The following MYCBP2 variants were observed in gnomAD, a reference collection of about 807,000 sequenced individuals.
MYCBP2 encodes MYC binding protein 2.
A neutral mutation model predicts 525.3 loss-of-function variants in MYCBP2; 120 were observed. That is an observed-to-expected ratio of 0.23 (90% CI 0.20 to 0.27). The LOEUF (loss-of-function observed/expected upper bound fraction) is 0.27, where lower values mean the gene tolerates loss of function less well. MYCBP2 is among the 10% of genes least tolerant of loss of function. The pLI, the probability that MYCBP2 is intolerant of heterozygous loss-of-function variation, is 1.00. For synonymous variants in MYCBP2, 1,894 were observed against 1,955.8 expected (o/e 0.97, Z 0.83); for missense variants, 4,149 against 5,657.1 (o/e 0.73, Z 8.55).
At chr13:77,176,345 C>T (rs576878976) in intron 36 of MYCBP2, 152 bp downstream of exon 36, 22 of 500,040 alleles carry the variant, frequency 4.4e-5, no homozygotes, top group South Asian at 1.7e-4. Flanking sequence ...ACATTAGGTA[C>T]GTAGTAGGTA....
chr13:77,186,828 TAG>T (rs1403689699), intron 30 of MYCBP2, among the ~76,000 whole-genome samples: 3 of 135,124 alleles, frequency 2.2e-5, no homozygotes, highest in African/African-American at 5.4e-5. Context: ...TTTTTTGAGA[TAG>T]AGTCTTCCTC....
chr13:77,173,320 C>A lies in MYCBP2; in HGVS notation c.5651+991G>T, dbSNP rs188687797. Among the ~76,000 whole-genome samples, 20 of 152,310 alleles carry A rather than the reference C, an allele frequency of 1.3e-4. No individual in the cohort carries two copies. In the East Asian group the frequency reaches 3.9e-3, roughly 29 times the overall value. Reference sequence around the variant, plus strand: ...AGTGGCTCTCCAGCTTTCTGAAACACGTAACTCTTACGCATAACAGAGTTT... The same window carrying A: ...AGTGGCTCTCCAGCTTTCTGAAACAAGTAACTCTTACGCATAACAGAGTTT... On this transcript the variant is annotated intron_variant, in intron 37 of 82. Coordinates refer to ENST00000544440, the MANE Select transcript of MYCBP2 (RefSeq NM_015057.5).
intron 2 of MYCBP2, among the ~76,000 whole-genome samples, chr13:77,290,507 C>A (rs2077357735): frequency 6.6e-6 from 1 of 152,158 alleles, no homozygotes; most frequent in African/African-American, 2.4e-5. Context: ...TATAGTACAT[C>A]CATACCATGA....
At chr13:77,322,669 G>T (rs1263570082) in intron 1 of MYCBP2, among the ~76,000 whole-genome samples, 1 of 152,178 alleles carries the variant, frequency 6.6e-6, no homozygotes, top group Non-Finnish European at 1.5e-5. Context: ...AACAGACAAA[G>T]TCTAATTAAC....
intron 65 of MYCBP2, chr13:77,080,892 G>A (rs2043189655): frequency 6.6e-6 from 1 of 152,056 alleles, no homozygotes; most frequent in African/African-American, 2.4e-5. Context: ...AGTGAGCCAA[G>A]ATTGTGCCAC....
At chr13:77,160,065 CTTTTT>C (rs34051925) in intron 44 of MYCBP2, among the ~76,000 whole-genome samples, 1 of 136,246 alleles carries the variant, frequency 7.3e-6, no homozygotes, top group African/African-American at 2.7e-5. Flanking sequence ...AAATCACAAA[CTTTTT>C]TTTTTTTTTT....
At chr13:77,172,103 G>A (rs1225233230) in intron 37 of MYCBP2, among the ~76,000 whole-genome samples, 3 of 152,058 alleles carry the variant, frequency 2.0e-5, no homozygotes, top group Non-Finnish European at 2.9e-5. Flanking sequence ...GTTTCACCAC[G>A]TTGGCCAGGC....
At position 77,165,213 on chromosome 13, in the gene MYCBP2, C is replaced by T; in HGVS notation, c.6459+60G>A. 5 of 1,412,800 alleles carry T rather than the reference C, an allele frequency of 3.5e-6. 1 individual carries two copies. The South Asian group carries it at 6.0e-5, about 17-fold the overall frequency. The allele number at this position is 1,412,800 out of a possible 1,614,324, so 87.5% of individuals were successfully genotyped here. A position where few individuals can be genotyped will look rare whatever the true frequency, so the allele number is the denominator to read the frequency against. The stretch of plus-strand genomic sequence containing the variant: ...CAATTTAAGTCAGTTAGAAGCACAA[C>T]TCACTAGCCCTTAGAAACACAATCT... On this transcript the variant is annotated intron_variant, in intron 42 of 82. Transcript: ENST00000544440.
chr13:77,192,245 G>C (rs2154259516), intron 27 of MYCBP2, among the ~76,000 whole-genome samples: 1 of 152,310 alleles, frequency 6.6e-6, no homozygotes, highest in South Asian at 2.1e-4. Context: ...CCAGCTCTGT[G>C]ACCTGCTAGC....
rs1448471908 is a variant in MYCBP2 at position 77,081,301 on chromosome 13, T to C, written c.11418+126A>G. On this transcript the variant is annotated intron_variant, in intron 65 of 82. Transcript: ENST00000544440. This position sits in a 1 kb window ranked among gnomAD's most constrained non-coding sequence, Gnocchi z 4.6. ...AGACTTAAGATTTATTTGGGGATTA[T>C]AGCAATGATGTTTGGTTGGTGAAAT... 2.6e-6 allele frequency: 2 copies of C among 776,616 alleles called. No homozygotes were observed. The highest frequency in any genetic ancestry group is 4.3e-6 in the Non-Finnish European group (2 of 468,442). The allele number at this position is 776,616 out of a possible 1,614,324, so 48.1% of individuals were successfully genotyped here.
chr13:77,210,190 A>G (rs373757649), intron 23 of MYCBP2, among the ~76,000 whole-genome samples: 25 of 151,566 alleles, frequency 1.6e-4, no homozygotes, highest in African/African-American at 5.6e-4. Context: ...AAGCACCACA[A>G]TAATTTTTTT....
chr13:77,307,894 C>T (rs2079666898), intron 1 of MYCBP2, among the ~76,000 whole-genome samples: 1 of 152,082 alleles, frequency 6.6e-6, no homozygotes. Context: ...ATGGTGGTTC[C>T]TTCTCAGTCT....
chr13:77,131,510 ACAAACAAACACACAC>A (rs1566645331), intron 52 of MYCBP2, among the ~76,000 whole-genome samples: 1 of 52,534 alleles, frequency 1.9e-5, no homozygotes, highest in Non-Finnish European at 6.1e-5. Flanking sequence ...ACACACACAC[ACAAACAAACACACAC>A]ACACACACAC....
At chr13:77,100,207 G>A (rs1254576549) in intron 55 of MYCBP2, 5 of 152,112 alleles carry the variant, frequency 3.3e-5, no homozygotes, top group Non-Finnish European at 7.4e-5. Flanking sequence ...AAAAAAGGAT[G>A]TGAACAAATT....
chr13:77,084,344 G>A (rs1016793944), intron 62 of MYCBP2, among the ~76,000 whole-genome samples: 3 of 152,126 alleles, frequency 2.0e-5, no homozygotes, highest in African/African-American at 7.2e-5. Flanking sequence ...CTATGTCACT[G>A]AGCTAAGTAA....
chr13:77,319,984 G>A (rs2081397095), intron 1 of MYCBP2, among the ~76,000 whole-genome samples: 1 of 152,218 alleles, frequency 6.6e-6, no homozygotes, highest in Non-Finnish European at 1.5e-5. Flanking sequence ...CTGTGGGGCA[G>A]TGAAAGACGT....
At chr13:77,229,388 C>T (rs906369642) in intron 18 of MYCBP2, among the ~76,000 whole-genome samples, 1 of 152,026 alleles carries the variant, frequency 6.6e-6, no homozygotes, top group African/African-American at 2.4e-5. Flanking sequence ...GTAACCAGCC[C>T]AAAATCATAA....
chr13:77,310,806 T>C (rs1396661025), intron 1 of MYCBP2, among the ~76,000 whole-genome samples: 1 of 144,402 alleles, frequency 6.9e-6, no homozygotes, highest in Non-Finnish European at 1.5e-5. Flanking sequence ...ACACACACCA[T>C]ATTTAGGTAC....
In MYCBP2 at chr13:77,057,088, A is replaced by G. The variant is rs750582440; in HGVS notation, c.13335T>C (p.Asp4445=). 2 of 1,609,210 alleles carry G rather than the reference A, an allele frequency of 1.2e-6. No homozygotes were observed. The highest frequency in any genetic ancestry group is 2.2e-5 in the South Asian group (2 of 90,944). The change falls in exon 79 of 83, where the codon GAT becomes GAC. Residue 4445 remains aspartate, a synonymous_variant. Coordinates refer to ENST00000544440, the MANE Select transcript of MYCBP2 (RefSeq NM_015057.5). The part of the protein sequence containing the change: ...ALSAAPAIQL[D]CSHIFHLQCC... ...ACTGTAAGTGGAATATGTGACTACA[A>G]TCCAGCTTAAATAAACAAAAGAAAA...
Sources: allele counts gnomAD v4.1 joint callset (sites outside exome capture counted in the v4.1 genomes callset), GRCh38; gene constraint gnomAD v4.1.1; non-coding constraint Gnocchi (gnomAD v3.1); transcripts MANE v1.5; gene names NCBI Gene and HGNC (gene_info 2026-07-23, HGNC 2026-07-21).